EPB41L3: variants seen among roughly 807,000 people sequenced by gnomAD.
The protein encoded by EPB41L3 is band 4.1-like protein 3.
In EPB41L3, 57 loss-of-function variants were observed where a neutral mutation model predicts 127.1. The observed-to-expected ratio is 0.45, with a 90% CI of 0.36 to 0.56. EPB41L3 has a LOEUF of 0.56. Ranked by LOEUF, EPB41L3 falls within the 20% of genes least tolerant of loss-of-function variation. The pLI is 0.00. For missense variants in EPB41L3, 1,273 were observed against 1,372.2 expected (o/e 0.93, Z 1.14); for synonymous variants, 572 against 549.5 (o/e 1.04, Z -0.57).
chr18:5,620,341 T>TA (rs2094846581), intron 1 of EPB41L3, among the ~76,000 whole-genome samples: 1 of 152,172 alleles, frequency 6.6e-6, no homozygotes, highest in Non-Finnish European at 1.5e-5. Flanking sequence ...AGACCAATGC[T>TA]ACACTTAAAG....
chr18:5,517,884 C>T (rs1485553670), intron 1 of EPB41L3, among the ~76,000 whole-genome samples: 1 of 152,124 alleles, frequency 6.6e-6, no homozygotes, highest in Non-Finnish European at 1.5e-5. Flanking sequence ...CCCCCACTGA[C>T]CACCACTCTG....
chr18:5,575,063 A>T (rs1568596200), intron 3 of EPB41L3, among the ~76,000 whole-genome samples: 1 of 152,034 alleles, frequency 6.6e-6, no homozygotes, highest in Non-Finnish European at 1.5e-5. Context: ...CCCACTACTA[A>T]CTAGGGTTAC....
chr18:5,557,771 T>C (rs2094061430), intron 3 of EPB41L3, among the ~76,000 whole-genome samples: 1 of 152,190 alleles, frequency 6.6e-6, no homozygotes, highest in Non-Finnish European at 1.5e-5. Context: ...TTGCAAATAC[T>C]CATGATATTG....
intron 3 of EPB41L3, among the ~76,000 whole-genome samples, chr18:5,572,398 G>A (rs564274025): frequency 7.2e-5 from 11 of 152,144 alleles, no homozygotes; most frequent in South Asian, 6.2e-4. Context: ...TCCTGACATC[G>A]TCAACTATTT....
chr18:5,393,853 GT>G (rs2072826685), intron 22 of EPB41L3: 1 of 186,384 alleles, frequency 5.4e-6, no homozygotes, highest in Non-Finnish European at 1.1e-5. Flanking sequence ...ACATCACCAA[GT>G]TGTGCAAGTC....
intron 3 of EPB41L3, among the ~76,000 whole-genome samples, chr18:5,460,545 A>C (rs1274477344): frequency 6.6e-6 from 1 of 152,270 alleles, no homozygotes. Flanking sequence ...TCTCACATAC[A>C]TAATGAGGAG....
intron 3 of EPB41L3, among the ~76,000 whole-genome samples, chr18:5,473,205 C>T (rs1377677620): frequency 6.6e-6 from 1 of 152,064 alleles, no homozygotes; most frequent in Admixed American, 6.6e-5. Context: ...AATACTAGCC[C>T]AGCATGGATG....
At chr18:5,424,956 A>AT (rs145143006) in intron 9 of EPB41L3, among the ~76,000 whole-genome samples, 545 of 152,228 alleles carry the variant, frequency 3.6e-3, no homozygotes, top group Non-Finnish European at 5.9e-3. Flanking sequence ...GGGGGAACAT[A>AT]TTTTCATATT....
At chr18:5,620,996 T>C (rs1373296070) in intron 1 of EPB41L3, among the ~76,000 whole-genome samples, 1 of 152,180 alleles carries the variant, frequency 6.6e-6, no homozygotes, top group Admixed American at 6.5e-5. Context: ...GTAACCCTTG[T>C]CTAAACATTT....
chr18:5,563,460 A>C (rs537621606), intron 3 of EPB41L3, among the ~76,000 whole-genome samples: 10 of 152,320 alleles, frequency 6.6e-5, no homozygotes, highest in African/African-American at 2.4e-4. Context: ...GTAACAAAGA[A>C]GTTATTATCA....
At chr18:5,415,741 G>A in intron 13 of EPB41L3, 77 bp downstream of exon 13, 1 of 1,409,904 alleles carries the variant, frequency 7.1e-7, no homozygotes, top group South Asian at 1.3e-5. Flanking sequence ...GACCACTATG[G>A]CAGCAGCCAG....
chr18:5,439,028 T>G (rs1168995614), intron 5 of EPB41L3, among the ~76,000 whole-genome samples: 3 of 152,208 alleles, frequency 2.0e-5, no homozygotes, highest in Middle Eastern at 3.2e-3. Flanking sequence ...CTGTATTCAC[T>G]CTGTTCTTCC....
intron 3 of EPB41L3, among the ~76,000 whole-genome samples, chr18:5,592,169 A>G (rs964713527): frequency 6.6e-6 from 1 of 152,134 alleles, no homozygotes; most frequent in Non-Finnish European, 1.5e-5. Flanking sequence ...GTTAATTTTT[A>G]AATTTTTATT....
chr18:5,591,562 T>C (rs1379024636), intron 3 of EPB41L3, among the ~76,000 whole-genome samples: 1 of 152,184 alleles, frequency 6.6e-6, no homozygotes, highest in Non-Finnish European at 1.5e-5. Context: ...TTTCAACATA[T>C]GAATTTTGGG....
chr18:5,462,293 A>G (rs2084147716), intron 3 of EPB41L3, among the ~76,000 whole-genome samples: 1 of 152,194 alleles, frequency 6.6e-6, no homozygotes, highest in African/African-American at 2.4e-5. Flanking sequence ...TGAAATTCTA[A>G]TGTATGAAAG....
intron 1 of EPB41L3, among the ~76,000 whole-genome samples, chr18:5,525,306 C>T (rs148926604): frequency 9.3e-4 from 141 of 152,232 alleles, no homozygotes; most frequent in African/African-American, 3.2e-3. Flanking sequence ...CCTAGGAAAG[C>T]GCTCACAGAC....
chr18:5,424,241 A>C (rs2145291516), intron 10 of EPB41L3, 21 bp downstream of exon 10: 4 of 1,521,648 alleles, frequency 2.6e-6, no homozygotes, highest in Non-Finnish European at 2.7e-6. Context: ...TTAGGGAAAA[A>C]ACAAAATAAT....
chr18:5,621,206 C>T (rs1031556563), intron 1 of EPB41L3, among the ~76,000 whole-genome samples: 1 of 152,054 alleles, frequency 6.6e-6, no homozygotes, highest in East Asian at 1.9e-4. Context: ...TGGCCAAAAT[C>T]GGAGCAAGTA....
rs5822865 is a variant in EPB41L3, at chr18:5,588,535, G to GTA, written c.-306+23803_-306+23804dup. On this transcript the variant is annotated intron_variant, in intron 3 of 21. Transcript: ENST00000545076. ...GTGTATTATGTGTATGTAAATATGT[G>GTA]TATATATATATATACACATAAATCT... Among the ~76,000 whole-genome samples the GTA allele has an allele frequency of 8.9e-3, 1,337 of 150,068 alleles. 14 individuals carry two copies. The highest frequency in any genetic ancestry group is 0.026 in the African/African-American group (1,059 of 40,782).
Sources: allele counts gnomAD v4.1 joint callset (sites outside exome capture counted in the v4.1 genomes callset), GRCh38; gene constraint gnomAD v4.1.1; transcripts MANE v1.5; gene names NCBI Gene and HGNC (gene_info 2026-07-23, HGNC 2026-07-21).